The following CCDC3 variants were observed in gnomAD, a reference collection of about 807,000 sequenced individuals.
CCDC3 encodes coiled-coil domain-containing protein 3.
CCDC3 carries 24 observed loss-of-function variants against 21.4 expected under a neutral mutation model. The observed-to-expected ratio is 1.12, with a 90% CI of 0.81 to 1.58. The LOEUF (loss-of-function observed/expected upper bound fraction) is 1.58. CCDC3 is among the 40% of genes most tolerant of loss of function. The pLI, the probability that CCDC3 is intolerant of heterozygous loss-of-function variation, is 0.00. For synonymous variants in CCDC3, 186 were observed against 166.0 expected (o/e 1.12, Z -0.93); for missense variants, 425 against 360.9 (o/e 1.18, Z -1.44).
intron 2 of CCDC3, among the ~76,000 whole-genome samples, chr10:12,984,564 C>T (rs1213410807): frequency 2.6e-5 from 4 of 152,118 alleles, no homozygotes; most frequent in Non-Finnish European, 5.9e-5. Flanking sequence ...TAGTTACACA[C>T]CCATGAAAAA....
At chr10:12,981,798 A>G (rs12250683) in intron 2 of CCDC3, among the ~76,000 whole-genome samples, 2,337 of 152,144 alleles carry the variant, frequency 0.015, 65 homozygotes, top group African/African-American at 0.053. Context: ...AGTGAGTCAT[A>G]GTGATACCAC....
chr10:12,908,416 G>C (rs577900648), intron 2 of CCDC3, among the ~76,000 whole-genome samples: 3 of 152,128 alleles, frequency 2.0e-5, no homozygotes, highest in African/African-American at 7.2e-5. Context: ...GAGTGTCAAG[G>C]CTGCTCAGTT....
chr10:12,997,360 G>A (rs1300678192), intron 2 of CCDC3, among the ~76,000 whole-genome samples: 2 of 152,234 alleles, frequency 1.3e-5, no homozygotes, highest in Non-Finnish European at 2.9e-5. Context: ...ATGGGTCACA[G>A]CCCCAGAGGC....
chr10:13,074,754 G>C (rs538511111), intron 3 of CCDC3, among the ~76,000 whole-genome samples: 1 of 152,076 alleles, frequency 6.6e-6, no homozygotes, highest in Non-Finnish European at 1.5e-5. Flanking sequence ...GCAAGTCTGG[G>C]TGCTGTTTTA....
intron 5 of CCDC3, among the ~76,000 whole-genome samples, chr10:13,020,366 G>A (rs536583593): frequency 9.2e-5 from 14 of 152,278 alleles, no homozygotes; most frequent in South Asian, 4.2e-4. Context: ...AACAGTTAGC[G>A]CGGTTTAGCA....
At chr10:13,058,953 T>C (rs1440470985) in intron 4 of CCDC3, among the ~76,000 whole-genome samples, 4 of 152,116 alleles carry the variant, frequency 2.6e-5, no homozygotes, top group African/African-American at 4.8e-5. Flanking sequence ...TCAATTTTCA[T>C]AACAACTCCT....
intron 4 of CCDC3, among the ~76,000 whole-genome samples, chr10:13,071,091 A>C (rs1048190105): frequency 6.6e-6 from 1 of 152,170 alleles, no homozygotes; most frequent in African/African-American, 2.4e-5. Flanking sequence ...TAGGATGCCC[A>C]CCACCCAGAG....
chr10:12,915,025 T>C (rs1487135901), intron 2 of CCDC3, among the ~76,000 whole-genome samples: 1 of 152,224 alleles, frequency 6.6e-6, no homozygotes, highest in African/African-American at 2.4e-5. Context: ...AGTTTTGGTA[T>C]GTTGTGTTTC....
intron 2 of CCDC3, among the ~76,000 whole-genome samples, chr10:12,910,286 T>C (rs1226183683): frequency 6.6e-6 from 1 of 152,212 alleles, no homozygotes; most frequent in Non-Finnish European, 1.5e-5. Context: ...GCTGGCTACG[T>C]AGCTGTTTTC....
intron 4 of CCDC3, among the ~76,000 whole-genome samples, chr10:13,068,550 G>A (rs1273799846): frequency 6.6e-6 from 1 of 152,156 alleles, no homozygotes; most frequent in Non-Finnish European, 1.5e-5. Flanking sequence ...AAATTATGCA[G>A]GTCAGATATT....
At chr10:12,954,752 C>T (rs1053929330) in intron 2 of CCDC3, among the ~76,000 whole-genome samples, 8 of 152,206 alleles carry the variant, frequency 5.3e-5, no homozygotes, top group Admixed American at 2.0e-4. Context: ...GCACCTCCAA[C>T]GTCGGGGATC....
chr10:12,983,033 AC>A (rs1835525863), intron 2 of CCDC3, among the ~76,000 whole-genome samples: 1 of 149,730 alleles, frequency 6.7e-6, no homozygotes, highest in Non-Finnish European at 1.5e-5. Context: ...AATGGCTTAA[AC>A]CCGGAAGGCG....
At chr10:12,982,167 T>C (rs191701709) in intron 2 of CCDC3, among the ~76,000 whole-genome samples, 27 of 76,090 alleles carry the variant, frequency 3.5e-4, no homozygotes, top group Non-Finnish European at 6.1e-4. Flanking sequence ...CTACCACCAA[T>C]CAAAATCAAA....
chr10:12,904,992 C>T (rs554224013), intron 2 of CCDC3, among the ~76,000 whole-genome samples: 1 of 151,810 alleles, frequency 6.6e-6, no homozygotes, highest in Admixed American at 6.5e-5. Context: ...AAAGAGTCAC[C>T]GAGAGGATTC....
chr10:12,943,469 C>G (rs1834865271), intron 2 of CCDC3, among the ~76,000 whole-genome samples: 1 of 152,204 alleles, frequency 6.6e-6, no homozygotes, highest in South Asian at 2.1e-4. Context: ...GCTGCAAACA[C>G]AAGCTTGCAT....
intron 2 of CCDC3, among the ~76,000 whole-genome samples, chr10:12,928,067 G>A (rs1471729448): frequency 6.6e-6 from 1 of 152,172 alleles, no homozygotes; most frequent in Non-Finnish European, 1.5e-5. Flanking sequence ...GCACACCCAG[G>A]GCCTCAGCGT....
intron 5 of CCDC3, among the ~76,000 whole-genome samples, chr10:13,029,172 C>G (rs976234785): frequency 7.2e-5 from 11 of 152,274 alleles, no homozygotes; most frequent in African/African-American, 2.6e-4. Flanking sequence ...AACCCCAAAT[C>G]CCCAGTCATA....
chr10:13,036,953 T>C (rs1335434433), intron 5 of CCDC3, among the ~76,000 whole-genome samples: 1 of 151,974 alleles, frequency 6.6e-6, no homozygotes, highest in Non-Finnish European at 1.5e-5. Flanking sequence ...CTGATTTTCT[T>C]TGTTTATTTT....
chr10:12,992,704 T>C (rs1835699666), intron 2 of CCDC3, among the ~76,000 whole-genome samples: 1 of 152,140 alleles, frequency 6.6e-6, no homozygotes, highest in South Asian at 2.1e-4. Flanking sequence ...GGGTACAGTA[T>C]ACACTGCTCA....
Sources: allele counts gnomAD v4.1 joint callset (sites outside exome capture counted in the v4.1 genomes callset), GRCh38; gene constraint gnomAD v4.1.1; transcripts MANE v1.5; gene names NCBI Gene and HGNC (gene_info 2026-07-23, HGNC 2026-07-21).